The following FARP1 variants were observed in gnomAD, a reference collection of about 807,000 sequenced individuals.
FARP1 encodes FERM, ARHGEF and pleckstrin domain-containing protein 1.
A neutral mutation model predicts 128.8 loss-of-function variants in FARP1; 52 were observed. The ratio of observed to expected loss-of-function variants is 0.40; its 90% confidence interval spans 0.32 to 0.51. FARP1 has a LOEUF of 0.51. Among genes scored for constraint, FARP1 ranks in the 20% least tolerant of loss-of-function variants. The probability of loss-of-function intolerance (pLI) is 0.45; values close to 1 mark genes in which losing one functional copy is unlikely to be tolerated. For synonymous variants in FARP1, 580 were observed against 551.8 expected (o/e 1.05, Z -0.72); for missense variants, 1,333 against 1,367.9 (o/e 0.97, Z 0.40).
rs10555277 is a variant in FARP1, at chr13:98,346,186, ATTT to A, written c.276+2339_276+2341del. 6.7e-3 allele frequency among the ~76,000 whole-genome samples: 713 copies of A among 105,664 alleles called. 7 individuals are homozygous for A. The highest frequency in any genetic ancestry group is 0.024 in the African/African-American group (655 of 27,150). 69.3% of individuals were successfully genotyped at this position (105,664 alleles called of 152,430 possible). On this transcript the variant is annotated intron_variant, in intron 3 of 26. Coordinates refer to ENST00000319562, the MANE Select transcript of FARP1 (RefSeq NM_005766.4). ...TTCCAGCCTGAGCTAATTGCATATA[ATTT>A]TTTTTTTTTTTTTTTTTTGAGAAGG...
intron 1 of FARP1, among the ~76,000 whole-genome samples, chr13:98,180,557 C>G (rs1180087290): frequency 6.6e-6 from 1 of 152,164 alleles, no homozygotes; most frequent in Non-Finnish European, 1.5e-5. Context: ...TGGGATTTGT[C>G]TTGAAATTGG....
At chr13:98,430,956 C>T (rs909490948) in intron 17 of FARP1, 87 bp from the exon 18 acceptor site, 14 of 758,534 alleles carry the variant, frequency 1.8e-5, no homozygotes, top group East Asian at 1.7e-4. Context: ...AGTGCAGGAG[C>T]GCTTCATTTC....
At chr13:98,308,880 G>A (rs536408291) in intron 2 of FARP1, among the ~76,000 whole-genome samples, 10 of 152,066 alleles carry the variant, frequency 6.6e-5, no homozygotes, top group African/African-American at 2.2e-4. Flanking sequence ...GTTTCACCAC[G>A]TTGCCCAGGC....
At chr13:98,430,244 C>A (rs1328235775) in intron 17 of FARP1, among the ~76,000 whole-genome samples, 11 of 152,082 alleles carry the variant, frequency 7.2e-5, no homozygotes, top group Admixed American at 7.2e-4. Flanking sequence ...AGAGCGAGAC[C>A]CTGTCACAAA....
chr13:98,233,587 G>A (rs9556915), intron 2 of FARP1: 17,701 of 152,176 alleles, frequency 0.12, 2,498 homozygotes, highest in East Asian at 0.5. Context: ...GTGTTTAAAT[G>A]TTATTACAAG....
intron 2 of FARP1, among the ~76,000 whole-genome samples, chr13:98,277,498 T>C (rs1346643383): frequency 1.3e-5 from 2 of 152,176 alleles, no homozygotes; most frequent in East Asian, 3.8e-4. Flanking sequence ...AAAGAGATGA[T>C]CCATGTCCAC....
chr13:98,444,842 G>C (rs1327586262), intron 24 of FARP1, among the ~76,000 whole-genome samples: 1 of 152,162 alleles, frequency 6.6e-6, no homozygotes, highest in East Asian at 1.9e-4. Flanking sequence ...CACCCTCCTT[G>C]CTCCATGTTG....
At chr13:98,211,349 C>T (rs768864832) in intron 1 of FARP1, among the ~76,000 whole-genome samples, 13 of 152,182 alleles carry the variant, frequency 8.5e-5, no homozygotes, top group Admixed American at 1.3e-4. Context: ...TTGGGAACTG[C>T]GCATGCGAGG....
chr13:98,206,864 A>G (rs1419763321), intron 1 of FARP1, among the ~76,000 whole-genome samples: 1 of 152,256 alleles, frequency 6.6e-6, no homozygotes, highest in East Asian at 1.9e-4. Flanking sequence ...AGGTATCACA[A>G]GGAAAGAAAT....
chr13:98,225,190 A>G (rs889520379), intron 2 of FARP1, among the ~76,000 whole-genome samples: 1 of 152,208 alleles, frequency 6.6e-6, no homozygotes, highest in African/African-American at 2.4e-5. Context: ...AAGGACGAAG[A>G]TGACATATTT....
chr13:98,345,969 T>C (rs1270809440), intron 3 of FARP1, among the ~76,000 whole-genome samples: 5 of 152,178 alleles, frequency 3.3e-5, no homozygotes, highest in Admixed American at 2.6e-4. Flanking sequence ...GTTTCATTTA[T>C]TCCTGCAACG....
At chr13:98,404,713 C>A (rs1248990903) in intron 13 of FARP1, 1 of 152,034 alleles carries the variant, frequency 6.6e-6, no homozygotes, top group African/African-American at 2.4e-5. Context: ...ATAAGTGGCA[C>A]CCAGAAGATT....
chr13:98,181,704 G>T (rs535125364), intron 1 of FARP1, among the ~76,000 whole-genome samples: 1 of 151,470 alleles, frequency 6.6e-6, no homozygotes, highest in African/African-American at 2.4e-5. Context: ...TCACAGTTCA[G>T]TGTAACCTCA....
intron 1 of FARP1, among the ~76,000 whole-genome samples, chr13:98,208,961 C>T (rs377183701): frequency 5.9e-5 from 9 of 152,096 alleles, no homozygotes; most frequent in African/African-American, 1.7e-4. Flanking sequence ...ATTTGGAAAC[C>T]GGATGGTTTT....
chr13:98,164,754 G>A (rs1364039411), intron 1 of FARP1, among the ~76,000 whole-genome samples: 4 of 152,138 alleles, frequency 2.6e-5, no homozygotes, highest in Non-Finnish European at 5.9e-5. Context: ...TAGAGCCATG[G>A]TCTGGCAGGT....
intron 2 of FARP1, among the ~76,000 whole-genome samples, chr13:98,313,359 C>T (rs936822462): frequency 1.4e-4 from 21 of 152,062 alleles, no homozygotes; most frequent in African/African-American, 4.6e-4. Context: ...CGTGCAGGCC[C>T]AGGGAGAAGG....
rs554572886 is a variant in FARP1, at chr13:98,382,066, T to TA, written c.497-2652dup. Among the ~76,000 whole-genome samples the TA allele has an allele frequency of 6.0e-3, 856 of 143,268 alleles. 8 individuals carry two copies. Among genetic ancestry groups the TA allele is most frequent in the African/African-American group, 0.018 (714 of 40,066 alleles). The allele number at this position is 143,268 out of a possible 152,430, so 94.0% of individuals were successfully genotyped here. A position where few individuals can be genotyped will look rare whatever the true frequency, so the allele number is the denominator to read the frequency against. On this transcript the variant is annotated intron_variant, in intron 6 of 26. Coordinates refer to ENST00000319562, the MANE Select transcript of FARP1 (RefSeq NM_005766.4). ...AGTGAGAGCCTGTCTCTACTCAAAA[T>TA]AAAAAAAAAAAATAGCCAGGTGTGG...
chr13:98,182,191 C>T (rs2139205654), intron 1 of FARP1, among the ~76,000 whole-genome samples: 1 of 152,240 alleles, frequency 6.6e-6, no homozygotes, highest in South Asian at 2.1e-4. Context: ...TCTAATAATG[C>T]CACAATTCCC....
chr13:98,431,210 C>T lies in FARP1; in HGVS notation c.2073C>T (p.His691=), dbSNP rs1291956221. The change falls in exon 18 of 27, where the codon CAC becomes CAT. Residue 691 remains histidine, a synonymous_variant. Coordinates refer to ENST00000319562, the MANE Select transcript of FARP1 (RefSeq NM_005766.4). ...FLLRPLHRLM[H]YKQVLERLCK... is the part of the protein sequence containing the mutation. Reference sequence around the variant, plus strand: ...TGCGGCCACTGCACCGGCTCATGCACTACAAGCAGGTCCTGGAGCGGCTGT... The same window carrying T: ...TGCGGCCACTGCACCGGCTCATGCATTACAAGCAGGTCCTGGAGCGGCTGT... The T allele has an allele frequency of 1.2e-6, 2 of 1,608,522 alleles. 1 individual carries two copies. Among genetic ancestry groups the T allele is most frequent in the South Asian group, 2.2e-5 (2 of 90,272 alleles).
Sources: allele counts gnomAD v4.1 joint callset (sites outside exome capture counted in the v4.1 genomes callset), GRCh38; gene constraint gnomAD v4.1.1; transcripts MANE v1.5; gene names NCBI Gene and HGNC (gene_info 2026-07-23, HGNC 2026-07-21).